Variants in CEP112 observed in about 807,000 individuals in gnomAD.
The protein encoded by CEP112 is centrosomal protein of 112 kDa.
A neutral mutation model predicts 153.0 loss-of-function variants in CEP112; 127 were observed. The ratio of observed to expected loss-of-function variants is 0.83; its 90% CI spans 0.72 to 0.96. The LOEUF is 0.96. CEP112 is among the 40% of genes least tolerant of loss of function. The pLI is 0.00. For synonymous variants in CEP112, 358 were observed against 374.4 expected (o/e 0.96, Z 0.51); for missense variants, 1,089 against 1,101.2 (o/e 0.99, Z 0.16).
intron 20 of CEP112, among the ~76,000 whole-genome samples, chr17:65,897,857 A>G (rs190770507): frequency 6.6e-6 from 1 of 152,156 alleles, no homozygotes; most frequent in Non-Finnish European, 1.5e-5. Context: ...ATATTGGTCA[A>G]TGTCCTTTAT....
At chr17:65,944,200 T>C (rs1282121705) in intron 18 of CEP112, among the ~76,000 whole-genome samples, 1 of 152,156 alleles carries the variant, frequency 6.6e-6, no homozygotes, top group Non-Finnish European at 1.5e-5. Flanking sequence ...TCAGGATAAA[T>C]AGCTAATGCA....
chr17:65,967,208 A>G (rs914509453), intron 17 of CEP112, among the ~76,000 whole-genome samples: 1 of 152,208 alleles, frequency 6.6e-6, no homozygotes, highest in Non-Finnish European at 1.5e-5. Flanking sequence ...TTAAAAAACC[A>G]TGCCTGTTGG....
intron 24 of CEP112, among the ~76,000 whole-genome samples, chr17:65,645,592 T>C (rs1306273434): frequency 1.3e-5 from 2 of 152,240 alleles, no homozygotes; most frequent in African/African-American, 4.8e-5. Context: ...TCTTTAGATA[T>C]GTCTCTTCTT....
At chr17:65,842,896 G>T (rs966179841) in intron 21 of CEP112, among the ~76,000 whole-genome samples, 4 of 151,342 alleles carry the variant, frequency 2.6e-5, no homozygotes, top group African/African-American at 7.3e-5. Context: ...ATTTTTTAAG[G>T]TTTTTTTTGG....
intron 21 of CEP112, among the ~76,000 whole-genome samples, chr17:65,783,658 A>G (rs2054118414): frequency 6.6e-6 from 1 of 152,258 alleles, no homozygotes; most frequent in Admixed American, 6.5e-5. Flanking sequence ...TTACTTCGCC[A>G]CTTCATTTTA....
chr17:66,015,062 A>C (rs1161545546), intron 16 of CEP112, among the ~76,000 whole-genome samples: 1 of 152,192 alleles, frequency 6.6e-6, no homozygotes, highest in African/African-American at 2.4e-5. Flanking sequence ...TTTTAATTAC[A>C]CTAATGATGC....
chr17:65,772,603 CACACACACACACACAG>C (rs5821576), intron 21 of CEP112, among the ~76,000 whole-genome samples: 62,848 of 147,432 alleles, frequency 0.43, 13,728 homozygotes, highest in East Asian at 0.76. Flanking sequence ...CACACACACA[CACACACACACACACAG>C]ACAGCCCCTT....
At chr17:66,182,695 T>C (rs1167691939) in intron 2 of CEP112, among the ~76,000 whole-genome samples, 1 of 152,170 alleles carries the variant, frequency 6.6e-6, no homozygotes, top group Non-Finnish European at 1.5e-5. Context: ...TAATTAGAAA[T>C]AACAGGCCAG....
intron 23 of CEP112, among the ~76,000 whole-genome samples, chr17:65,726,761 A>G (rs1357064091): frequency 6.6e-6 from 1 of 152,134 alleles, no homozygotes; most frequent in East Asian, 1.9e-4. Flanking sequence ...CCAAATAATC[A>G]CTATTACCCA....
intron 21 of CEP112, among the ~76,000 whole-genome samples, chr17:65,795,684 C>T (rs1387556868): frequency 2.6e-5 from 4 of 151,972 alleles, no homozygotes; most frequent in Non-Finnish European, 5.9e-5. Context: ...TGGTGGTGCG[C>T]ACCTGTAATC....
At chr17:65,664,289 G>C (rs1443525265) in intron 24 of CEP112, among the ~76,000 whole-genome samples, 1 of 152,146 alleles carries the variant, frequency 6.6e-6, no homozygotes, top group Non-Finnish European at 1.5e-5. Flanking sequence ...GAGTGTGGCT[G>C]GTGTGAGAGC....
At chr17:65,952,715 A>G (rs920476261) in intron 18 of CEP112, among the ~76,000 whole-genome samples, 2 of 152,132 alleles carry the variant, frequency 1.3e-5, no homozygotes, top group Non-Finnish European at 2.9e-5. Flanking sequence ...ATACTATTTT[A>G]TGTACCCATC....
intron 20 of CEP112, among the ~76,000 whole-genome samples, chr17:65,861,601 G>C (rs1001868627): frequency 2.0e-4 from 30 of 152,092 alleles, no homozygotes; most frequent in African/African-American, 7.0e-4. Context: ...TACATGACTA[G>C]GCACATCATA....
At chr17:66,016,770 C>T (rs916075814) in intron 16 of CEP112, among the ~76,000 whole-genome samples, 8 of 152,032 alleles carry the variant, frequency 5.3e-5, no homozygotes, top group Non-Finnish European at 8.8e-5. Context: ...GGACTCAGAA[C>T]TGCCACATAA....
At chr17:65,768,246 A>G (rs1279954301) in intron 21 of CEP112, among the ~76,000 whole-genome samples, 2 of 152,158 alleles carry the variant, frequency 1.3e-5, no homozygotes. Context: ...AAAATAATAA[A>G]GAAGAGAAAA....
chr17:66,022,979 C>T (rs1387243597), intron 16 of CEP112, among the ~76,000 whole-genome samples: 1 of 151,736 alleles, frequency 6.6e-6, no homozygotes, highest in Non-Finnish European at 1.5e-5. Context: ...AAATTGAAGA[C>T]AAGACTTTTG....
chr17:65,651,687 T>C (rs919321208), intron 24 of CEP112, among the ~76,000 whole-genome samples: 1 of 112,294 alleles, frequency 8.9e-6, no homozygotes, highest in Non-Finnish European at 1.9e-5. Flanking sequence ...CCTTCCTTCT[T>C]TCCTTCCTTC....
chr17:65,958,459 A>G (rs959586073), intron 18 of CEP112, among the ~76,000 whole-genome samples: 1 of 150,722 alleles, frequency 6.6e-6, no homozygotes, highest in Non-Finnish European at 1.5e-5. Flanking sequence ...GGGTTGGGGA[A>G]GGTCCCTGCT....
chr17:65,970,178 G>C (rs550789356), intron 17 of CEP112, among the ~76,000 whole-genome samples: 3 of 151,976 alleles, frequency 2.0e-5, no homozygotes, highest in South Asian at 2.1e-4. Context: ...TATTACATTT[G>C]TATTACATGC....
Sources: gnomAD v4.1 joint callset for allele counts (sites outside exome capture counted in the v4.1 genomes callset) on GRCh38, gnomAD v4.1.1 for gene constraint, MANE v1.5 for transcripts, NCBI Gene and HGNC (gene_info 2026-07-23, HGNC 2026-07-21) for gene names.